The following TTC29 variants were observed in gnomAD, a reference collection of about 807,000 sequenced individuals.
TTC29 encodes the protein tetratricopeptide repeat domain 29, also known as tetratricopeptide repeat protein 29.
In TTC29, 49 loss-of-function variants were observed where a neutral mutation model predicts 58.1. The observed-to-expected ratio is 0.84, with a 90% CI of 0.67 to 1.07. The LOEUF (loss-of-function observed/expected upper bound fraction) is 1.07. TTC29 is among the 50% of genes least tolerant of loss of function. The pLI is 0.00. For missense variants in TTC29, 582 were observed against 555.6 expected (o/e 1.05, Z -0.48); for synonymous variants, 209 against 196.8 (o/e 1.06, Z -0.52).
intron 2 of TTC29, among the ~76,000 whole-genome samples, chr4:146,942,062 GT>G (rs776402535): frequency 2.9e-4 from 44 of 152,258 alleles, no homozygotes; most frequent in Non-Finnish European, 4.3e-4. Context: ...ACAGCTTTGT[GT>G]TACTGAAAAA....
At chr4:146,794,461 G>C (rs1158177430) in intron 11 of TTC29, among the ~76,000 whole-genome samples, 1 of 151,968 alleles carries the variant, frequency 6.6e-6, no homozygotes, top group African/African-American at 2.4e-5. Context: ...GCTGGTGATG[G>C]TAAAAACTTG....
chr4:146,826,808 T>A (rs547395421), intron 9 of TTC29, among the ~76,000 whole-genome samples: 65 of 152,082 alleles, frequency 4.3e-4, no homozygotes, highest in Non-Finnish European at 8.4e-4. Context: ...TGTTCATTCC[T>A]TTTCATTCCT....
intron 8 of TTC29, among the ~76,000 whole-genome samples, chr4:146,866,269 A>G (rs1027063563): frequency 6.6e-6 from 1 of 152,166 alleles, no homozygotes; most frequent in African/African-American, 2.4e-5. Flanking sequence ...TTTGACCTAC[A>G]ACTGAATCTC....
intron 10 of TTC29, among the ~76,000 whole-genome samples, chr4:146,816,835 T>TA (rs942735636): frequency 1.7e-4 from 26 of 152,030 alleles, no homozygotes; most frequent in Admixed American, 5.9e-4. Flanking sequence ...TCGATTTCCT[T>TA]AAAAAAAATC....
At chr4:146,846,936 T>A (rs1307319996) in intron 8 of TTC29, among the ~76,000 whole-genome samples, 9 of 152,200 alleles carry the variant, frequency 5.9e-5, no homozygotes, top group Non-Finnish European at 1.2e-4. Context: ...AGGCCATTAT[T>A]CTGATAAACT....
Position 146,909,266 on chromosome 4 carries a change from G to C in TTC29, c.177-17C>G. ...TTCCTATAACTGGAAATATGAATCAGAACACTCTCAGGTTTATGTTAATCC... is the reference window on the plus strand; with the variant it reads ...TTCCTATAACTGGAAATATGAATCACAACACTCTCAGGTTTATGTTAATCC... On this transcript the variant is annotated splice_polypyrimidine_tract_variant and intron_variant, in intron 4 of 12. Transcript: ENST00000325106. The C allele has an allele frequency of 6.4e-7, 1 of 1,564,078 alleles. No homozygotes were observed. Among genetic ancestry groups the C allele is most frequent in the East Asian group, 2.3e-5 (1 of 44,042 alleles).
chr4:146,783,198 ATATT>A (rs1222947834), intron 11 of TTC29, among the ~76,000 whole-genome samples: 2 of 152,020 alleles, frequency 1.3e-5, no homozygotes, highest in African/African-American at 4.8e-5. Context: ...GCTAGTTAAC[ATATT>A]TGTTACTTCA....
intron 6 of TTC29, among the ~76,000 whole-genome samples, chr4:146,898,636 T>C (rs1390455004): frequency 1.3e-5 from 2 of 152,234 alleles, no homozygotes; most frequent in Admixed American, 6.5e-5. Flanking sequence ...TTGTCTGCAG[T>C]GAACATATTC....
At chr4:146,728,895 G>GTATA (rs113308053) in intron 11 of TTC29, among the ~76,000 whole-genome samples, 17,521 of 84,298 alleles carry the variant, frequency 0.21, 4,815 homozygotes, top group African/African-American at 0.36. Flanking sequence ...ATGTGTGTAT[G>GTATA]TATATATATA....
intron 7 of TTC29, among the ~76,000 whole-genome samples, chr4:146,872,315 T>C (rs895865689): frequency 6.6e-6 from 1 of 152,048 alleles, no homozygotes; most frequent in Non-Finnish European, 1.5e-5. Context: ...AGTAAATCAC[T>C]GTGACCTTGC....
chr4:146,809,574 C>A (rs1430117620), intron 10 of TTC29, among the ~76,000 whole-genome samples: 1 of 149,186 alleles, frequency 6.7e-6, no homozygotes, highest in Non-Finnish European at 1.5e-5. Flanking sequence ...AGAAAAAAAA[C>A]AAACAACTCC....
intron 11 of TTC29, among the ~76,000 whole-genome samples, chr4:146,737,589 CT>C (rs1162565073): frequency 3.5e-5 from 1 of 28,492 alleles, no homozygotes; most frequent in Non-Finnish European, 9.8e-5. Context: ...GCTAGTAGCC[CT>C]GGGGGGGGGG....
intron 9 of TTC29, among the ~76,000 whole-genome samples, chr4:146,821,702 T>G (rs1751841924): frequency 6.6e-6 from 1 of 152,190 alleles, no homozygotes; most frequent in South Asian, 2.1e-4. Flanking sequence ...AGGTAAACTG[T>G]GAGAACCTTA....
At chr4:146,791,034 C>T (rs1749410661) in intron 11 of TTC29, among the ~76,000 whole-genome samples, 1 of 152,256 alleles carries the variant, frequency 6.6e-6, no homozygotes, top group Non-Finnish European at 1.5e-5. Flanking sequence ...ATTTATGTGG[C>T]CCAAAGTCCA....
chr4:146,785,761 T>C (rs942567605), intron 11 of TTC29, among the ~76,000 whole-genome samples: 1 of 152,222 alleles, frequency 6.6e-6, no homozygotes, highest in African/African-American at 2.4e-5. Flanking sequence ...TGTGGTCTAA[T>C]AATAAAAGAT....
intron 11 of TTC29, among the ~76,000 whole-genome samples, chr4:146,729,979 G>T (rs1317497561): frequency 6.6e-6 from 1 of 151,804 alleles, no homozygotes; most frequent in African/African-American, 2.4e-5. Context: ...AGGTGGGATT[G>T]ACACTCTTTC....
At chr4:146,789,085 G>A (rs558649961) in intron 11 of TTC29, among the ~76,000 whole-genome samples, 3 of 152,210 alleles carry the variant, frequency 2.0e-5, no homozygotes, top group African/African-American at 4.8e-5. Context: ...ACTAAGAAAT[G>A]TTATCCTTTA....
chr4:146,711,229 T>C (rs1268441025), intron 11 of TTC29, among the ~76,000 whole-genome samples: 2 of 152,180 alleles, frequency 1.3e-5, no homozygotes, highest in Non-Finnish European at 2.9e-5. Flanking sequence ...GAATATACAG[T>C]AGTCATTACC....
intron 11 of TTC29, among the ~76,000 whole-genome samples, chr4:146,788,272 A>G (rs1219563364): frequency 2.0e-5 from 3 of 152,208 alleles, no homozygotes; most frequent in Non-Finnish European, 4.4e-5. Flanking sequence ...ACATACAGTC[A>G]TATGTCAGAA....
Sources: allele counts gnomAD v4.1 joint callset (sites outside exome capture counted in the v4.1 genomes callset), GRCh38; gene constraint gnomAD v4.1.1; transcripts MANE v1.5; gene names NCBI Gene and HGNC (gene_info 2026-07-23, HGNC 2026-07-21).